Variants in NRXN3 observed in about 807,000 individuals in gnomAD.
The protein encoded by NRXN3 is neurexin III.
Under a neutral mutation model 137.6 loss-of-function variants are expected in NRXN3, and 32 were observed. That is an observed-to-expected ratio of 0.23 (90% CI 0.18 to 0.31). The LOEUF (loss-of-function observed/expected upper bound fraction) is 0.31, where lower values mean the gene tolerates loss of function less well. NRXN3 is among the 10% of genes least tolerant of loss of function. NRXN3 has a pLI of 1.00. For synonymous variants in NRXN3, 798 were observed against 784.5 expected, an observed-to-expected ratio of 1.02 and a Z score of -0.29; for missense variants, 1,574 against 2,062.5, an observed-to-expected ratio of 0.76 and a Z score of 4.59.
At chr14:78,552,669 A>G (rs1370635648) in intron 4 of NRXN3, among the ~76,000 whole-genome samples, 1 of 152,128 alleles carries the variant, frequency 6.6e-6, no homozygotes, top group Non-Finnish European at 1.5e-5. Context: ...TCTGTCTCCA[A>G]TAAATAAATA....
chr14:79,501,043 A>G (rs2096821472), intron 16 of NRXN3, among the ~76,000 whole-genome samples: 1 of 152,200 alleles, frequency 6.6e-6, no homozygotes, highest in East Asian at 1.9e-4. Context: ...CACCTGAGAA[A>G]AATATGCCAC....
At chr14:79,084,886 T>C (rs1040767630) in intron 15 of NRXN3, among the ~76,000 whole-genome samples, 1 of 152,212 alleles carries the variant, frequency 6.6e-6, no homozygotes, top group Non-Finnish European at 1.5e-5. Context: ...ATGGGGTTGA[T>C]AGTGACATAG....
chr14:79,597,273 G>C (rs1602674455), intron 16 of NRXN3, among the ~76,000 whole-genome samples: 1 of 152,148 alleles, frequency 6.6e-6, no homozygotes, highest in African/African-American at 2.4e-5. Context: ...AGTACTAAAA[G>C]TCCTTTGCCA....
intron 8 of NRXN3, among the ~76,000 whole-genome samples, chr14:78,763,817 C>G (rs1489502178): frequency 1.3e-5 from 2 of 152,172 alleles, no homozygotes; most frequent in Non-Finnish European, 2.9e-5. Context: ...AGTAAGGATT[C>G]TATTGGGTGC....
chr14:78,794,152 G>A (rs565934452), intron 8 of NRXN3, among the ~76,000 whole-genome samples: 12 of 152,002 alleles, frequency 7.9e-5, no homozygotes, highest in African/African-American at 2.4e-4. Flanking sequence ...AGGCCGAGGC[G>A]GGTAGATCAC....
chr14:79,500,591 A>G (rs550327603), intron 16 of NRXN3, among the ~76,000 whole-genome samples: 2 of 152,282 alleles, frequency 1.3e-5, no homozygotes, highest in South Asian at 4.1e-4. Context: ...CCATCTAACA[A>G]TACTCACCCA....
intron 17 of NRXN3, among the ~76,000 whole-genome samples, chr14:79,689,144 T>C (rs964089584): frequency 6.6e-5 from 10 of 152,130 alleles, no homozygotes; most frequent in African/African-American, 7.2e-5. Flanking sequence ...TTCTTGAGTA[T>C]AGCCATCACT....
chr14:78,766,340 CCT>C (rs1394444720), intron 8 of NRXN3, among the ~76,000 whole-genome samples: 1 of 152,152 alleles, frequency 6.6e-6, no homozygotes, highest in Non-Finnish European at 1.5e-5. Flanking sequence ...TAACCACAAA[CCT>C]CTGGTAACAG....
At chr14:78,443,065 A>T (rs1454588523) in intron 4 of NRXN3, among the ~76,000 whole-genome samples, 1 of 152,224 alleles carries the variant, frequency 6.6e-6, no homozygotes, top group Non-Finnish European at 1.5e-5. Context: ...TTGGTTCCAA[A>T]TCTATTTCCT....
At chr14:78,254,475 T>C (rs2069170042) in intron 2 of NRXN3, among the ~76,000 whole-genome samples, 1 of 152,052 alleles carries the variant, frequency 6.6e-6, no homozygotes, top group African/African-American at 2.4e-5. Flanking sequence ...GGTCAGGACA[T>C]CGAAATCATC....
chr14:78,380,099 TAAAAAC>T lies in NRXN3; in HGVS notation c.757+82242_757+82247del, dbSNP rs1481052551. On this transcript the variant is annotated intron_variant, in intron 4 of 20. Transcript: ENST00000335750. ...TAAAATCTAAAAGAAATAGAGGAAATAAAAACAATCTAAATAAATGGAGAAGCTAAC... is the reference window on the plus strand; with the variant it reads ...TAAAATCTAAAAGAAATAGAGGAAATAATCTAAATAAATGGAGAAGCTAAC... Among the ~76,000 whole-genome samples, 8 of 152,006 alleles carry T rather than the reference TAAAAAC, an allele frequency of 5.3e-5. No individual in the cohort carries two copies. The East Asian group carries it at 1.5e-3, about 29-fold the overall frequency.
chr14:79,004,954 A>G (rs746645228), intron 15 of NRXN3, among the ~76,000 whole-genome samples: 22 of 152,068 alleles, frequency 1.4e-4, no homozygotes, highest in Non-Finnish European at 2.5e-4. Context: ...TTCTCACTCC[A>G]TCCTTTGCAT....
intron 15 of NRXN3, among the ~76,000 whole-genome samples, chr14:79,143,652 T>C (rs2059025865): frequency 6.6e-6 from 1 of 152,232 alleles, no homozygotes; most frequent in African/African-American, 2.4e-5. Context: ...GCTGATTGCT[T>C]TAAGATCTGG....
intron 15 of NRXN3, among the ~76,000 whole-genome samples, chr14:79,031,438 G>A (rs1479479175): frequency 1.3e-5 from 2 of 152,040 alleles, no homozygotes; most frequent in Non-Finnish European, 2.9e-5. Context: ...AAGTGTTTTA[G>A]GTAATGTTTG....
At chr14:78,943,693 G>A (rs2099359752) in intron 10 of NRXN3, among the ~76,000 whole-genome samples, 3 of 107,182 alleles carry the variant, frequency 2.8e-5, no homozygotes, top group Non-Finnish European at 3.8e-5. Flanking sequence ...AAAGAATCTA[G>A]AAAAAGGATA....
intron 4 of NRXN3, among the ~76,000 whole-genome samples, chr14:78,426,334 C>G (rs774135164): frequency 5.2e-4 from 79 of 152,320 alleles, no homozygotes; most frequent in Non-Finnish European, 1.0e-3. Context: ...ACAGCTTCAT[C>G]TAACACCTTG....
chr14:79,695,291 T>C (rs1442886648), intron 18 of NRXN3, among the ~76,000 whole-genome samples: 1 of 152,018 alleles, frequency 6.6e-6, no homozygotes, highest in African/African-American at 2.4e-5. Flanking sequence ...AGAACTATTA[T>C]AGAGGTTATC....
At chr14:79,099,233 A>AT (rs1420954120) in intron 15 of NRXN3, among the ~76,000 whole-genome samples, 1 of 152,100 alleles carries the variant, frequency 6.6e-6, no homozygotes, top group Non-Finnish European at 1.5e-5. Context: ...AGAGTTTGCT[A>AT]TTTTTTTGAG....
intron 20 of NRXN3, among the ~76,000 whole-genome samples, chr14:79,838,499 G>T (rs940228247): frequency 9.9e-5 from 15 of 152,142 alleles, no homozygotes; most frequent in African/African-American, 3.6e-4. Flanking sequence ...CTCACAAGTA[G>T]TGTGAAAACT....
Sources: gnomAD v4.1 joint callset for allele counts (sites outside exome capture counted in the v4.1 genomes callset) on GRCh38, gnomAD v4.1.1 for gene constraint, MANE v1.5 for transcripts, NCBI Gene and HGNC (gene_info 2026-07-23, HGNC 2026-07-21) for gene names.